Variants in ABI3BP observed in about 807,000 individuals in gnomAD.
ABI3BP encodes target of Nesh-SH3.
In ABI3BP, 216 loss-of-function variants were observed where a neutral mutation model predicts 268.6. The observed-to-expected ratio is 0.80, with a 90% confidence interval of 0.72 to 0.90. The LOEUF (loss-of-function observed/expected upper bound fraction) is 0.90, where lower values mean the gene tolerates loss of function less well. Ranked by LOEUF, ABI3BP falls within the 40% of genes least tolerant of loss-of-function variation. ABI3BP has a pLI of 0.00. For synonymous variants in ABI3BP, 730 were observed against 730.0 expected (o/e 1.00, Z 0.00); for missense variants, 2,090 against 2,182.4 (o/e 0.96, Z 0.84).
chr3:100,804,218 A>G (rs914793152), intron 51 of ABI3BP, among the ~76,000 whole-genome samples: 5 of 152,312 alleles, frequency 3.3e-5, no homozygotes, highest in African/African-American at 1.2e-4. Flanking sequence ...TACCTTCCCC[A>G]TATGTGAACA....
chr3:100,823,636 T>A, intron 36 of ABI3BP, 122 bp from the exon 37 acceptor site: 1 of 717,022 alleles, frequency 1.4e-6, no homozygotes, highest in Non-Finnish European at 2.2e-6. Context: ...AAAATTAACT[T>A]CTTAACTGAA....
chr3:100,971,445 CACTA>C lies in ABI3BP; in HGVS notation c.79+21857_79+21860del, dbSNP rs201816178. Among the ~76,000 whole-genome samples, 766 of 152,234 alleles carry C rather than the reference CACTA, an allele frequency of 5.0e-3. 7 individuals are homozygous for C. Among genetic ancestry groups the C allele is most frequent in the African/African-American group, 0.018 (731 of 41,538 alleles). ...CAAGAGTAGGCTAGCAGGAATGAGG[CACTA>C]ACTAGGGATATTTTGACCAAGCATG... On this transcript the variant is annotated intron_variant, in intron 1 of 67. Transcript: ENST00000471714.
In ABI3BP at chr3:100,911,828, C is replaced by A. The variant is rs563076314; in HGVS notation, c.260-9142G>T. 90 of 1,591,036 alleles carry A rather than the reference C, an allele frequency of 5.7e-5. No individual in the cohort carries two copies. The Middle Eastern group carries it at 8.5e-4, about 15-fold the overall frequency. ...GTTCTTGGTTTGAAAAATGCTCCTG[C>A]AAGTTTTTGTGAAGCAGCCTCTCTC... On this transcript the variant is annotated intron_variant, in intron 2 of 67. Coordinates refer to ENST00000471714, the MANE Select transcript of ABI3BP (RefSeq NM_001375547.2).
At chr3:100,924,603 T>C (rs1268027735) in intron 2 of ABI3BP, among the ~76,000 whole-genome samples, 8 of 152,162 alleles carry the variant, frequency 5.3e-5, no homozygotes, top group Admixed American at 1.3e-4. Flanking sequence ...TACTCTTTCC[T>C]TGGTTGTCTG....
intron 1 of ABI3BP, among the ~76,000 whole-genome samples, chr3:100,940,026 C>T (rs193057728): frequency 1.4e-4 from 22 of 152,090 alleles, no homozygotes; most frequent in Non-Finnish European, 2.6e-4. Context: ...CCCGGCTCAC[C>T]GGTGGTCAGA....
In ABI3BP at chr3:100,770,777, C is replaced by T. The variant is rs1402085261; in HGVS notation, c.4707G>A (p.Leu1569=). 1.9e-6 allele frequency: 3 copies of T among 1,551,846 alleles called. No individual in the cohort carries two copies. The highest frequency in any genetic ancestry group is 1.3e-5 in the South Asian group (1 of 79,462). Reference sequence around the variant, plus strand: ...TGTCATTTAGTGGCTTTTCCCAGTCCAAGATGACAAATGAGGGGCACCCTT... The same window carrying T: ...TGTCATTTAGTGGCTTTTCCCAGTCTAAGATGACAAATGAGGGGCACCCTT... The part of the protein sequence containing the change: ...TVEGCPSFVI[L]DWEKPLNDTV... Residue 1569 remains leucine, a synonymous_variant, in exon 62 of 68, where the codon TTG becomes TTA. Transcript: ENST00000471714.
rs975578421 is a variant in ABI3BP, at chr3:100,750,179, A to G, written c.*316T>C. On this transcript the variant is annotated 3_prime_UTR_variant, in exon 68 of 68. Coordinates refer to ENST00000471714, the MANE Select transcript of ABI3BP (RefSeq NM_001375547.2). ...ACCTTTTTGATGTTAATTTTGTTAT[A>G]AAAGTATCTCAAAACATCATTACAA... The G allele has an allele frequency of 8.7e-6, 2 of 228,654 alleles. No individual in the cohort carries two copies. The highest frequency in any genetic ancestry group is 4.5e-5 in the African/African-American group (2 of 44,460). The allele number at this position is 228,654 out of a possible 1,614,324, so 14.2% of individuals were successfully genotyped here.
intron 1 of ABI3BP, among the ~76,000 whole-genome samples, chr3:100,956,626 C>G (rs1465686795): frequency 6.6e-6 from 1 of 152,114 alleles, no homozygotes; most frequent in Non-Finnish European, 1.5e-5. Flanking sequence ...GTTGTTGAGA[C>G]ACAATCAAGC....
chr3:100,871,449 G>T lies in ABI3BP; in HGVS notation c.910+3392C>A, dbSNP rs538591076. Among the ~76,000 whole-genome samples the T allele has an allele frequency of 5.9e-5, 9 of 152,330 alleles. No individual in the cohort carries two copies. The South Asian group carries it at 1.9e-3, about 32-fold the overall frequency. ...CTTCAGTGTGTGATATGGTTTGGCT[G>T]TGTCCCCACAAATCTCATCTTGAAT... On this transcript the variant is annotated intron_variant, in intron 9 of 67. Coordinates refer to ENST00000471714, the MANE Select transcript of ABI3BP (RefSeq NM_001375547.2).
At chr3:100,755,259 T>A (rs1167971802) in intron 63 of ABI3BP, among the ~76,000 whole-genome samples, 1 of 152,154 alleles carries the variant, frequency 6.6e-6, no homozygotes, top group Admixed American at 6.5e-5. Flanking sequence ...ATTTATAACT[T>A]CCCTAGGTGA....
At chr3:100,834,553 TA>T in intron 29 of ABI3BP, 130 bp downstream of exon 29, 2 of 741,208 alleles carry the variant, frequency 2.7e-6, no homozygotes, top group Non-Finnish European at 4.5e-6. Context: ...ACTGTGTTGG[TA>T]GCAGCTGCTT....
At chr3:100,800,287 T>C (rs938330095) in intron 51 of ABI3BP, among the ~76,000 whole-genome samples, 3 of 152,088 alleles carry the variant, frequency 2.0e-5, no homozygotes, top group Admixed American at 2.0e-4. Context: ...GATGTAATTA[T>C]ATCACTCCCA....
At chr3:100,837,358 G>C (rs1282667675) in intron 26 of ABI3BP, 187 bp from the exon 27 acceptor site, 1 of 458,290 alleles carries the variant, frequency 2.2e-6, no homozygotes, top group Non-Finnish European at 3.8e-6. Context: ...TATACTAATT[G>C]GAATCTTGGG....
At chr3:100,752,170 C>G (rs1397416596) in intron 66 of ABI3BP, among the ~76,000 whole-genome samples, 1 of 152,170 alleles carries the variant, frequency 6.6e-6, no homozygotes, top group East Asian at 1.9e-4. Flanking sequence ...TAAAGTACCT[C>G]TATGAAATGT....
chr3:100,820,058 A>G (rs988616543), intron 40 of ABI3BP, among the ~76,000 whole-genome samples, 162 bp downstream of exon 40: 2 of 152,146 alleles, frequency 1.3e-5, no homozygotes, highest in Non-Finnish European at 2.9e-5. Context: ...ATCTATCCCA[A>G]CTGTGTTCTC....
intron 1 of ABI3BP, among the ~76,000 whole-genome samples, chr3:100,965,340 A>G (rs1336892560): frequency 6.6e-6 from 1 of 152,212 alleles, no homozygotes; most frequent in East Asian, 1.9e-4. Flanking sequence ...TCAAACCATT[A>G]AACATTCCAG....
chr3:100,859,057 A>C (rs2098968733), intron 14 of ABI3BP, among the ~76,000 whole-genome samples: 1 of 152,210 alleles, frequency 6.6e-6, no homozygotes, highest in African/African-American at 2.4e-5. Context: ...TCAATCATTT[A>C]ACACAAGACA....
chr3:100,904,257 C>T (rs1246640846), intron 2 of ABI3BP, among the ~76,000 whole-genome samples: 2 of 152,134 alleles, frequency 1.3e-5, no homozygotes, highest in African/African-American at 4.8e-5. Flanking sequence ...TCACATGGGG[C>T]CCCATGCTTA....
chr3:100,754,300 T>A, intron 64 of ABI3BP, among the ~76,000 whole-genome samples: 1 of 152,226 alleles, frequency 6.6e-6, no homozygotes, highest in East Asian at 1.9e-4. Flanking sequence ...TATTAAACTA[T>A]CATGGGTTCC....
Sources: allele counts gnomAD v4.1 joint callset (sites outside exome capture counted in the v4.1 genomes callset), GRCh38; gene constraint gnomAD v4.1.1; transcripts MANE v1.5; gene names NCBI Gene and HGNC (gene_info 2026-07-23, HGNC 2026-07-21).